Variants in EPB41L3 observed in about 807,000 individuals in gnomAD.
EPB41L3 encodes erythrocyte membrane protein band 4.1 like 3.
In EPB41L3, 57 loss-of-function variants were observed where a neutral mutation model predicts 127.1. The ratio of observed to expected loss-of-function variants is 0.45; its 90% CI spans 0.36 to 0.56. The LOEUF is 0.56. Ranked by LOEUF, EPB41L3 falls within the 20% of genes least tolerant of loss-of-function variation. The pLI is 0.00. For synonymous variants in EPB41L3, 572 were observed against 549.5 expected, an observed-to-expected ratio of 1.04 and a Z score of -0.57; for missense variants, 1,273 against 1,372.2, an observed-to-expected ratio of 0.93 and a Z score of 1.14.
At chr18:5,452,964 A>T (rs1328174779) in intron 3 of EPB41L3, among the ~76,000 whole-genome samples, 1 of 152,136 alleles carries the variant, frequency 6.6e-6, no homozygotes, top group Non-Finnish European at 1.5e-5. Context: ...CTAGCAGGTG[A>T]CTGGGGTGAC....
intron 3 of EPB41L3, among the ~76,000 whole-genome samples, chr18:5,457,333 T>C (rs993212308): frequency 2.0e-5 from 3 of 152,062 alleles, no homozygotes; most frequent in South Asian, 4.2e-4. Flanking sequence ...GGGGCTGAAC[T>C]TGAGTAAGGT....
At chr18:5,599,780 G>A (rs910304958) in intron 3 of EPB41L3, among the ~76,000 whole-genome samples, 27 of 152,278 alleles carry the variant, frequency 1.8e-4, no homozygotes, top group African/African-American at 6.3e-4. Flanking sequence ...ACAGCCTGCA[G>A]AATGATGAGC....
chr18:5,429,539 T>C (rs59357955), intron 8 of EPB41L3, among the ~76,000 whole-genome samples: 2,042 of 152,266 alleles, frequency 0.013, 43 homozygotes, highest in African/African-American at 0.047. Context: ...GAGCATCCAT[T>C]GGAAGCTATG....
intron 1 of EPB41L3, among the ~76,000 whole-genome samples, chr18:5,495,436 G>A (rs1435454140): frequency 2.1e-5 from 3 of 145,012 alleles, no homozygotes; most frequent in Non-Finnish European, 4.5e-5. Context: ...AAACAGTAAG[G>A]CCACAGGCCC....
In EPB41L3 at chr18:5,396,182, T is replaced by C; in HGVS notation, c.2973+19A>G. On this transcript the variant is annotated intron_variant, in intron 19 of 22. Coordinates refer to ENST00000341928, the MANE Select transcript of EPB41L3 (RefSeq NM_012307.5). ...GTGAAATAAGCAGCCAGGGCTCTGGTCTTCACAGAATATCTCACCTGTGAT... is the reference window on the plus strand; with the variant it reads ...GTGAAATAAGCAGCCAGGGCTCTGGCCTTCACAGAATATCTCACCTGTGAT... The C allele has an allele frequency of 6.2e-7, 1 of 1,614,032 alleles. No homozygotes were observed. The highest frequency in any genetic ancestry group is 8.5e-7 in the Non-Finnish European group (1 of 1,179,878).
At chr18:5,532,194 C>T (rs1598729311) in intron 1 of EPB41L3, among the ~76,000 whole-genome samples, 1 of 152,308 alleles carries the variant, frequency 6.6e-6, no homozygotes, top group South Asian at 2.1e-4. Flanking sequence ...GAGCATTCCA[C>T]ATGCCAAGTC....
At chr18:5,478,165 G>A in intron 3 of EPB41L3, 76 bp downstream of exon 3, 1 of 1,288,720 alleles carries the variant, frequency 7.8e-7, no homozygotes. Context: ...AAATAAAGAG[G>A]CATCTTGTAT....
intron 3 of EPB41L3, among the ~76,000 whole-genome samples, chr18:5,593,663 C>T (rs2094507880): frequency 1.3e-5 from 2 of 152,108 alleles, no homozygotes; most frequent in Non-Finnish European, 2.9e-5. Flanking sequence ...GCGGGAATTT[C>T]CTCGTCCTAA....
At chr18:5,551,785 T>G (rs1186656920) in intron 3 of EPB41L3, among the ~76,000 whole-genome samples, 2 of 152,212 alleles carry the variant, frequency 1.3e-5, no homozygotes, top group African/African-American at 4.8e-5. Flanking sequence ...ACATGTGGAC[T>G]TATACAATTC....
rs145834920 is a variant in EPB41L3, at chr18:5,395,704, C to A, written c.2977G>T (p.Asp993Tyr). The A allele has an allele frequency of 1.5e-5, 25 of 1,613,946 alleles. No homozygotes were observed. The African/African-American group carries it at 2.7e-4, about 17-fold the overall frequency. The change falls in exon 20 of 23, where the codon GAT becomes TAT. Residue 993 changes from aspartate (D) to tyrosine (Y), a missense_variant. Around this residue, in one of 3 missense-constraint regions of EPB41L3, gnomAD observed 765 missense variants for 782.9 expected, o/e 0.98. Coordinates refer to ENST00000341928, the MANE Select transcript of EPB41L3 (RefSeq NM_012307.5). ...CCTGGCTCCAGATCTGTGCCTGGAT[C>A]GACCTAAAGCAGCAGAGGCATAGAC... ...KTITYESSQV[D>Y]PGTDLEPGVL...
At chr18:5,513,213 T>C (rs2092613688) in intron 1 of EPB41L3, among the ~76,000 whole-genome samples, 1 of 152,158 alleles carries the variant, frequency 6.6e-6, no homozygotes. Flanking sequence ...AGTGCACACA[T>C]AGCTCATGCA....
intron 9 of EPB41L3, 27 bp from the exon 10 acceptor site, chr18:5,424,386 G>C (rs913458305): frequency 1.3e-5 from 20 of 1,523,696 alleles, no homozygotes; most frequent in Non-Finnish European, 1.5e-5. Flanking sequence ...ACATTGAAGA[G>C]TAAAGTTTAA....
chr18:5,408,105 A>G (rs898454105), intron 14 of EPB41L3, among the ~76,000 whole-genome samples: 2 of 152,194 alleles, frequency 1.3e-5, no homozygotes, highest in African/African-American at 4.8e-5. Context: ...CTATGATGAC[A>G]CAATAATGAG....
At chr18:5,528,545 C>T (rs1455910073) in intron 1 of EPB41L3, among the ~76,000 whole-genome samples, 1 of 152,080 alleles carries the variant, frequency 6.6e-6, no homozygotes, top group Non-Finnish European at 1.5e-5. Context: ...AGAAATATTT[C>T]ATAATATTTT....
intron 3 of EPB41L3, among the ~76,000 whole-genome samples, chr18:5,475,132 T>C (rs1451683331): frequency 1.3e-5 from 2 of 152,208 alleles, no homozygotes; most frequent in African/African-American, 4.8e-5. Flanking sequence ...ATTCCTCATA[T>C]GAAAGCTTCC....
At chr18:5,609,111 T>C in intron 3 of EPB41L3, among the ~76,000 whole-genome samples, 1 of 152,188 alleles carries the variant, frequency 6.6e-6, no homozygotes, top group East Asian at 1.9e-4. Flanking sequence ...TCCTGCTACC[T>C]CCACCAGCTA....
At chr18:5,448,827 C>G (rs1248000646) in intron 3 of EPB41L3, among the ~76,000 whole-genome samples, 1 of 152,142 alleles carries the variant, frequency 6.6e-6, no homozygotes. Context: ...TTTCCCCTGA[C>G]AAATTGCATT....
intron 1 of EPB41L3, among the ~76,000 whole-genome samples, chr18:5,534,278 A>G (rs2093503991): frequency 6.6e-6 from 1 of 152,252 alleles, no homozygotes; most frequent in Non-Finnish European, 1.5e-5. Context: ...TTTATATTAT[A>G]TCTTCTTTCC....
upstream of EPB41L3, among the ~76,000 whole-genome samples, chr18:5,629,852 C>T (rs1358639572): frequency 6.6e-6 from 1 of 152,216 alleles, no homozygotes; most frequent in African/African-American, 2.4e-5. Flanking sequence ...AGGGGAGTGA[C>T]AGCAGCAACT....
Sources: gnomAD v4.1 joint callset for allele counts (sites outside exome capture counted in the v4.1 genomes callset) on GRCh38, gnomAD v4.1.1 for gene constraint, gnomAD v4.1.1 regional missense constraint, MANE v1.5 for transcripts, NCBI Gene and HGNC (gene_info 2026-07-23, HGNC 2026-07-21) for gene names.